SDR42E2: variants seen among roughly 807,000 people sequenced by gnomAD.
SDR42E2 encodes the protein short chain dehydrogenase/reductase family 42E, member 2.
In SDR42E2, 20 loss-of-function variants were observed where a neutral mutation model predicts 10.5. That is an observed-to-expected ratio of 1.90 (90% confidence interval 1.34 to 2.77). The LOEUF (loss-of-function observed/expected upper bound fraction) is 2.77, where lower values mean the gene tolerates loss of function less well. Among genes scored for constraint, SDR42E2 ranks in the 30% most tolerant of loss-of-function variants. The pLI is 0.00. For missense variants in SDR42E2, 162 were observed against 104.2 expected (o/e 1.55, Z -2.42); for synonymous variants, 72 against 39.2 (o/e 1.84, Z -3.12).
chr16:22,172,717 C>G (rs1471676691), intron 7 of SDR42E2, among the ~76,000 whole-genome samples: 1 of 152,198 alleles, frequency 6.6e-6, no homozygotes, highest in Non-Finnish European at 1.5e-5. Context: ...AAGGGCCTGG[C>G]AAGGGAGAGG....
intron 5 of SDR42E2, among the ~76,000 whole-genome samples, chr16:22,170,208 G>C (rs1567238702): frequency 6.6e-6 from 1 of 151,750 alleles, no homozygotes; most frequent in Non-Finnish European, 1.5e-5. Context: ...TACAAAATTA[G>C]CGGGGCGTGG....
At chr16:22,167,165 A>ATTTT (rs534502295) in intron 4 of SDR42E2, among the ~76,000 whole-genome samples, 166 bp downstream of exon 4, 2 of 37,724 alleles carry the variant, frequency 5.3e-5, no homozygotes, top group Non-Finnish European at 8.6e-5. Context: ...CAGTTCTGCC[A>ATTTT]TTTTTTTTTT....
intron 4 of SDR42E2, among the ~76,000 whole-genome samples, 166 bp downstream of exon 4, chr16:22,167,165 ATTTTTTTTTTTTTTTTTT>A (rs534502295): frequency 2.1e-4 from 8 of 37,722 alleles, no homozygotes; most frequent in South Asian, 7.6e-4. Flanking sequence ...CAGTTCTGCC[ATTTTTTTTTTTTTTTTTT>A]TTTTTTTTTT....
chr16:22,170,673 C>A (rs907565101), intron 5 of SDR42E2, among the ~76,000 whole-genome samples, 160 bp from the exon 6 acceptor site: 4 of 152,160 alleles, frequency 2.6e-5, no homozygotes, highest in South Asian at 4.1e-4. Context: ...GCTGTAGATT[C>A]TGGGAGGGTC....
chr16:22,167,578 T>C lies in SDR42E2; in HGVS notation c.336+579T>C, dbSNP rs191234571. On this transcript the variant is annotated intron_variant, in intron 4 of 12. Transcript: ENST00000602312. ...CATCTGGAAAGTGAGGATATTACTA[T>C]TGGTAATATCACAACCTCTTCAGAG... Among the ~76,000 whole-genome samples, 119 of 152,304 alleles carry C rather than the reference T, an allele frequency of 7.8e-4. No homozygotes were observed. In the Middle Eastern group the frequency reaches 0.014, roughly 17 times the overall value.
intron 7 of SDR42E2, among the ~76,000 whole-genome samples, chr16:22,174,844 G>A (rs1267236292): frequency 6.6e-6 from 1 of 151,992 alleles, no homozygotes; most frequent in Non-Finnish European, 1.5e-5. Context: ...GCTGCAACCC[G>A]ACCTCCCCCC....
intron 1 of SDR42E2, among the ~76,000 whole-genome samples, chr16:22,165,076 TTTTGTTTG>T (rs370532907): frequency 8.9e-4 from 136 of 152,082 alleles, no homozygotes; most frequent in South Asian, 7.5e-3. Flanking sequence ...CACTGGAGTT[TTTTGTTTG>T]TTTGTTTGTT....
rs1319299694 is a variant in SDR42E2, at chr16:22,181,655, CTG to C, written c.810+2_810+3del. On this transcript the variant is annotated splice_donor_variant and coding_sequence_variant, in exon 9 of 13. Coordinates refer to ENST00000602312, the MANE Select transcript of SDR42E2 (RefSeq NM_001394319.2). LOFTEE classifies it high-confidence loss of function. ...CTCACCACGGCCAAGGGCTACGTGG[CTG>C]TGAGTCCCCTCTGATGCCCCCAACC... 3 of 702,680 alleles carry C rather than the reference CTG, an allele frequency of 4.3e-6. No homozygotes were observed. The highest frequency in any genetic ancestry group is 7.8e-6 in the Non-Finnish European group (3 of 384,836). 43.5% of individuals were successfully genotyped at this position (702,680 alleles called of 1,614,324 possible).
chr16:22,165,432 G>C (rs989865784), intron 1 of SDR42E2, among the ~76,000 whole-genome samples, 115 bp from the exon 2 acceptor site: 2 of 152,190 alleles, frequency 1.3e-5, no homozygotes. Flanking sequence ...GGTTCCCTGG[G>C]AACTCAGAGA....
At chr16:22,170,998 C>A in intron 6 of SDR42E2, 47 bp downstream of exon 6, 1 of 702,208 alleles carries the variant, frequency 1.4e-6, no homozygotes, top group Non-Finnish European at 2.6e-6. Flanking sequence ...GGCCCGGGAC[C>A]CACAGCTCAG....
intron 8 of SDR42E2, among the ~76,000 whole-genome samples, chr16:22,180,983 A>G (rs901380082): frequency 6.6e-6 from 1 of 152,154 alleles, no homozygotes; most frequent in Admixed American, 6.6e-5. Context: ...TCCAATCTGG[A>G]TAACAGAGCA....
rs964272404 is a variant in SDR42E2, at chr16:22,188,166, G to A, written c.1014+1372G>A. On this transcript the variant is annotated intron_variant, in intron 12 of 12. Coordinates refer to ENST00000602312, the MANE Select transcript of SDR42E2 (RefSeq NM_001394319.2). ...TCTGATGCCCTGCTAAGTTAAAAAG[G>A]TCAAAAAAAAATCGTGATCTCCATT... Among the ~76,000 whole-genome samples the A allele has an allele frequency of 4.0e-5, 6 of 151,886 alleles. No individual in the cohort carries two copies. The South Asian group carries it at 1.2e-3, about 32-fold the overall frequency.
intron 4 of SDR42E2, 112 bp downstream of exon 4, chr16:22,167,111 T>G: frequency 2.1e-6 from 1 of 474,364 alleles, no homozygotes; most frequent in Non-Finnish European, 4.0e-6. Flanking sequence ...AGGAGGGACT[T>G]GGGCTACTCC....
At chr16:22,177,169 T>C (rs2046651286) in intron 7 of SDR42E2, among the ~76,000 whole-genome samples, 1 of 152,202 alleles carries the variant, frequency 6.6e-6, no homozygotes, top group South Asian at 2.1e-4. Flanking sequence ...CTGTGGTTCT[T>C]TTATCCATAG....
chr16:22,171,961 A>G (rs1167953159), intron 6 of SDR42E2, among the ~76,000 whole-genome samples: 1 of 152,228 alleles, frequency 6.6e-6, no homozygotes, highest in African/African-American at 2.4e-5. Flanking sequence ...TTCATCCAGC[A>G]TGTGTCCAGC....
intron 4 of SDR42E2, among the ~76,000 whole-genome samples, chr16:22,167,927 A>G (rs1397916908): frequency 6.6e-6 from 1 of 152,244 alleles, no homozygotes; most frequent in Non-Finnish European, 1.5e-5. Flanking sequence ...TAATAAGAAT[A>G]GATTATCTCG....
intron 2 of SDR42E2, among the ~76,000 whole-genome samples, 198 bp from the exon 3 acceptor site, chr16:22,166,040 TAGGAGCTGGGCC>T (rs1269749960): frequency 2.1e-5 from 3 of 142,946 alleles, no homozygotes; most frequent in Non-Finnish European, 4.5e-5. Flanking sequence ...GGACCTGGTG[TAGGAGCTGGGCC>T]AGGAGCTGGG....
rs541421726 is a variant in SDR42E2, at chr16:22,168,881, T to C, written c.337-564T>C. 4.1e-4 allele frequency among the ~76,000 whole-genome samples: 62 copies of C among 151,894 alleles called. 2 individuals are homozygous for C. The highest frequency in any genetic ancestry group is 1.5e-5 in the Non-Finnish European group (1 of 67,970). On this transcript the variant is annotated intron_variant, in intron 4 of 12. Coordinates refer to ENST00000602312, the MANE Select transcript of SDR42E2 (RefSeq NM_001394319.2). ...AGAGCTAAACTCGGTCTCAAAAAAA[T>C]AATAATAATAAATATAGCTTAAAAA...
intron 11 of SDR42E2, among the ~76,000 whole-genome samples, chr16:22,185,558 C>T (rs1401200645): frequency 6.6e-6 from 1 of 152,110 alleles, no homozygotes; most frequent in East Asian, 1.9e-4. Context: ...AGCCACACTA[C>T]CGACCAATTA....
Sources: allele counts gnomAD v4.1 joint callset (sites outside exome capture counted in the v4.1 genomes callset), GRCh38; gene constraint gnomAD v4.1.1; transcripts MANE v1.5; gene names NCBI Gene and HGNC (gene_info 2026-07-23, HGNC 2026-07-21).